The following ATXN1 variants were observed in gnomAD, a reference collection of about 807,000 sequenced individuals.
ATXN1 encodes ataxin 1.
ATXN1 carries 8 observed loss-of-function variants against 56.4 expected under a neutral mutation model. The observed-to-expected ratio is 0.14, with a 90% CI of 0.08 to 0.26. The LOEUF is 0.26. Ranked by LOEUF, ATXN1 falls within the 10% of genes least tolerant of loss-of-function variation. ATXN1 has a pLI of 1.00. For missense variants in ATXN1, 987 were observed against 1,106.5 expected (o/e 0.89, Z 1.53); for synonymous variants, 514 against 494.6 (o/e 1.04, Z -0.52).
At chr6:16,522,332 G>C (rs1209894832) in intron 5 of ATXN1, among the ~76,000 whole-genome samples, 2 of 152,082 alleles carry the variant, frequency 1.3e-5, no homozygotes, top group African/African-American at 4.8e-5. Context: ...AGTTGCTGAG[G>C]GAAAGAAACT....
chr6:16,597,575 C>T (rs1318542051), intron 3 of ATXN1, among the ~76,000 whole-genome samples: 1 of 151,940 alleles, frequency 6.6e-6, no homozygotes, highest in Non-Finnish European at 1.5e-5. Flanking sequence ...AGTAGCTGGG[C>T]TTCCAGGCAC....
At chr6:16,365,352 A>C (rs1218805292) in intron 6 of ATXN1, among the ~76,000 whole-genome samples, 1 of 152,032 alleles carries the variant, frequency 6.6e-6, no homozygotes, top group East Asian at 1.9e-4. Context: ...AACTTTTTGT[A>C]TTTTTAGTAG....
At position 16,733,094 on chromosome 6, in the gene ATXN1, C is replaced by T. The variant is rs116022608; in HGVS notation, c.-615+20139G>A. On this transcript the variant is annotated intron_variant, in intron 2 of 7. Transcript: ENST00000436367. ...ATGCCGGGACCCATTCTGAGTTTTACACCCACCATACCAGGTATTACTACT... is the reference window on the plus strand; with the variant it reads ...ATGCCGGGACCCATTCTGAGTTTTATACCCACCATACCAGGTATTACTACT... Among the ~76,000 whole-genome samples, 872 of 152,330 alleles carry T rather than the reference C, an allele frequency of 5.7e-3. 6 individuals are homozygous for T. Among genetic ancestry groups the T allele is most frequent in the African/African-American group, 0.02 (841 of 41,570 alleles).
At chr6:16,320,848 G>T (rs1464605047) in intron 7 of ATXN1, among the ~76,000 whole-genome samples, 1 of 152,218 alleles carries the variant, frequency 6.6e-6, no homozygotes, top group Non-Finnish European at 1.5e-5. Flanking sequence ...CGGGAAGGGT[G>T]CTCGCCTCGG....
At chr6:16,346,980 C>T (rs9370890) in intron 6 of ATXN1, among the ~76,000 whole-genome samples, 14,009 of 152,228 alleles carry the variant, frequency 0.092, 1,088 homozygotes, top group East Asian at 0.39. Flanking sequence ...CTCGGAGCAG[C>T]GGCGGACCCC....
chr6:16,315,754 G>A (rs1011806722), intron 7 of ATXN1, among the ~76,000 whole-genome samples: 6 of 152,028 alleles, frequency 3.9e-5, no homozygotes, highest in Non-Finnish European at 8.8e-5. Flanking sequence ...CCTTGACCTC[G>A]TGGGCTCAAG....
intron 2 of ATXN1, among the ~76,000 whole-genome samples, chr6:16,728,846 G>T (rs1325362610): frequency 6.6e-6 from 1 of 152,156 alleles, no homozygotes; most frequent in Non-Finnish European, 1.5e-5. Flanking sequence ...ACCAAGTGTG[G>T]ATCCCAGCTG....
At chr6:16,321,254 C>T (rs149649375) in intron 7 of ATXN1, among the ~76,000 whole-genome samples, 5 of 152,272 alleles carry the variant, frequency 3.3e-5, no homozygotes, top group East Asian at 1.9e-4. Flanking sequence ...CCTCGGGGGT[C>T]GCATCTGGAT....
rs1218558264 is a variant in ATXN1 at position 16,327,283 on chromosome 6, C to T, written c.1028G>A (p.Gly343Asp). 6.2e-7 allele frequency: 1 copy of T among 1,613,360 alleles called. No individual in the cohort carries two copies. The highest frequency in any genetic ancestry group is 8.5e-7 in the Non-Finnish European group (1 of 1,179,878). The change falls in exon 7 of 8, where the codon GGC (glycine) becomes GAC (aspartate). Residue 343 changes from glycine (G) to aspartate (D), a missense_variant. Transcript: ENST00000436367. ...RYGAPSSADL[G>D]LGKAGGKSVP... ...CGACTTGCCGCCTGCCTTGCCCAGG[C>T]CCAGGTCGGCTGAGGACGGGGCCCC...
intron 7 of ATXN1, among the ~76,000 whole-genome samples, chr6:16,309,428 A>T (rs1374641367): frequency 6.6e-6 from 1 of 152,078 alleles, no homozygotes; most frequent in Non-Finnish European, 1.5e-5. Context: ...GAGTGAACAT[A>T]GAGACAAAAA....
intron 2 of ATXN1, among the ~76,000 whole-genome samples, chr6:16,741,194 CATT>C (rs1760329680): frequency 1.3e-5 from 2 of 152,142 alleles, no homozygotes; most frequent in Admixed American, 1.3e-4. Context: ...CTCAAGCAGT[CATT>C]ATGACTATCC....
intron 6 of ATXN1, among the ~76,000 whole-genome samples, chr6:16,425,379 T>C (rs1412877306): frequency 6.6e-6 from 1 of 152,226 alleles, no homozygotes; most frequent in Non-Finnish European, 1.5e-5. Flanking sequence ...ATTTTACGCA[T>C]TAACTGTCTG....
intron 6 of ATXN1, among the ~76,000 whole-genome samples, chr6:16,345,512 C>G (rs184074219): frequency 6.6e-6 from 1 of 152,178 alleles, no homozygotes; most frequent in Non-Finnish European, 1.5e-5. Flanking sequence ...CTGTACACAT[C>G]GGCCAAGATA....
intron 5 of ATXN1, among the ~76,000 whole-genome samples, chr6:16,515,657 AC>A (rs531066369): frequency 1.8e-4 from 27 of 152,100 alleles, no homozygotes; most frequent in Non-Finnish European, 7.4e-5. Flanking sequence ...GTTGAGTCCT[AC>A]ACGGAGCTTC....
chr6:16,449,710 A>T (rs1376382641), intron 6 of ATXN1, among the ~76,000 whole-genome samples: 1 of 152,218 alleles, frequency 6.6e-6, no homozygotes, highest in African/African-American at 2.4e-5. Flanking sequence ...GTTTTAAGTG[A>T]ACACGTTTTA....
At chr6:16,589,045 T>C (rs1468922080) in intron 3 of ATXN1, among the ~76,000 whole-genome samples, 1 of 152,000 alleles carries the variant, frequency 6.6e-6, no homozygotes, top group Non-Finnish European at 1.5e-5. Flanking sequence ...CTTGTTTCCC[T>C]CATCTCCACA....
At chr6:16,612,027 T>A (rs1217344852) in intron 3 of ATXN1, among the ~76,000 whole-genome samples, 1 of 151,584 alleles carries the variant, frequency 6.6e-6, no homozygotes, top group Non-Finnish European at 1.5e-5. Flanking sequence ...ACCCGGCTAA[T>A]TTTTTGTATT....
chr6:16,612,693 C>A (rs986221397), intron 3 of ATXN1, among the ~76,000 whole-genome samples: 2 of 151,800 alleles, frequency 1.3e-5, no homozygotes, highest in South Asian at 4.1e-4. Context: ...GAGATTGAGA[C>A]CATCCTGGCC....
chr6:16,314,122 CCTCA>C (rs1349902692), intron 7 of ATXN1, among the ~76,000 whole-genome samples: 1 of 152,182 alleles, frequency 6.6e-6, no homozygotes, highest in Non-Finnish European at 1.5e-5. Context: ...CTAGTTTTCT[CCTCA>C]CTAATTAGTG....
Sources: allele counts gnomAD v4.1 joint callset (sites outside exome capture counted in the v4.1 genomes callset), GRCh38; gene constraint gnomAD v4.1.1; transcripts MANE v1.5; gene names NCBI Gene and HGNC (gene_info 2026-07-23, HGNC 2026-07-21).